The following RND2 variants were observed in gnomAD, a reference collection of about 807,000 sequenced individuals.
The protein encoded by RND2 is rho-related GTP-binding protein RhoN.
A neutral mutation model predicts 25.9 loss-of-function variants in RND2; 16 were observed. That is an observed-to-expected ratio of 0.62 (90% CI 0.42 to 0.94). The LOEUF is 0.94. Among genes scored for constraint, RND2 ranks in the 40% least tolerant of loss-of-function variants. RND2 has a pLI of 0.00. For synonymous variants in RND2, 97 were observed against 118.1 expected (o/e 0.82, Z 1.16); for missense variants, 276 against 305.5 (o/e 0.90, Z 0.72).
Position 43,028,929 on chromosome 17 carries a change from AG to A in RND2, c.*251del. 1 of 553,522 alleles carries A rather than the reference AG, an allele frequency of 1.8e-6. No individual in the cohort carries two copies. 34.3% of individuals were successfully genotyped at this position (553,522 alleles called of 1,614,324 possible). A position where few individuals can be genotyped will look rare whatever the true frequency, so the allele number is the denominator to read the frequency against. ...TCTGGGGCATGAACTGGGATGGGGCAGGTGGGCGTTAGGGAAGCTGGTATCA... is the reference window on the plus strand; with the variant it reads ...TCTGGGGCATGAACTGGGATGGGGCAGTGGGCGTTAGGGAAGCTGGTATCA... On this transcript the variant is annotated 3_prime_UTR_variant, in exon 5 of 5. Coordinates refer to ENST00000587250, the MANE Select transcript of RND2 (RefSeq NM_005440.5).
intron 3 of RND2, among the ~76,000 whole-genome samples, chr17:43,027,782 G>C (rs1214934967): frequency 6.6e-6 from 1 of 152,180 alleles, no homozygotes; most frequent in Non-Finnish European, 1.5e-5. Context: ...AGGCGAGTGG[G>C]AATGGGAAGT....
At position 43,031,166 on chromosome 17, in the gene RND2, C is replaced by T. The variant is rs572229677; in HGVS notation, c.*2486C>T. ...AAAATAAAAAATAGCTTCTCCTTTC[C>T]CTTATGCCAGGTTCCAGTCTTGAGA... On this transcript the variant is annotated 3_prime_UTR_variant, in exon 5 of 5. Transcript: ENST00000587250. 6.6e-6 allele frequency: 1 copy of T among 152,182 alleles called. No homozygotes were observed. Among genetic ancestry groups the T allele is most frequent in the East Asian group, 1.9e-4 (1 of 5,186 alleles). The allele number at this position is 152,182 out of a possible 1,614,324, so 9.4% of individuals were successfully genotyped here. A position where few individuals can be genotyped will look rare whatever the true frequency, so the allele number is the denominator to read the frequency against.
intron 2 of RND2, 84 bp downstream of exon 2, chr17:43,026,131 AAGCCC>A: frequency 1.1e-6 from 1 of 886,120 alleles, no homozygotes; most frequent in Non-Finnish European, 1.8e-6. Context: ...GGTTCCAGGT[AAGCCC>A]AGCCCATCCA....
Position 43,026,018 on chromosome 17 carries a change from G to A in RND2, c.161G>A (p.Arg54His), listed in dbSNP as rs1182099592. ...YTASFEIDKR[R>H]IELNMWDTSG... ...GCGAGCTTTGAGATCGACAAGCGCC[G>A]CATTGAGCTCAACATGTGGGACACT... is the stretch of plus-strand genomic sequence containing the variant. Residue 54 changes from arginine (R) to histidine (H), a missense_variant, in exon 2 of 5, where the codon CGC becomes CAC. By Grantham distance (29) the Arg-to-His change is conservative. Transcript: ENST00000587250. 2 of 1,612,672 alleles carry A rather than the reference G, an allele frequency of 1.2e-6. No individual in the cohort carries two copies. The highest frequency in any genetic ancestry group is 2.2e-5 in the East Asian group (1 of 44,810).
chr17:43,027,852 G>T (rs546606437), intron 3 of RND2, among the ~76,000 whole-genome samples: 3 of 152,154 alleles, frequency 2.0e-5, no homozygotes, highest in Non-Finnish European at 4.4e-5. Flanking sequence ...GCCCACGCCA[G>T]CCCTCTCCTC....
Position 43,025,281 on chromosome 17 carries a change from G to GGGCGGGGGAGGCGGC in RND2, c.-59_-45dup. 2.9e-6 allele frequency: 4 copies of GGGCGGGGGAGGCGGC among 1,385,122 alleles called. No individual in the cohort carries two copies. Among genetic ancestry groups the GGGCGGGGGAGGCGGC allele is most frequent in the East Asian group, 3.1e-5 (1 of 32,414 alleles). The allele number at this position is 1,385,122 out of a possible 1,614,324, so 85.8% of individuals were successfully genotyped here. On this transcript the variant is annotated 5_prime_UTR_variant, in exon 1 of 5. Transcript: ENST00000587250. ...GCGGCCCGAGCGGCTGCAGTTGCAG[G>GGGCGGGGGAGGCGGC]GGCGGGGGAGGCGGCGGCGGGGCCC...
Position 43,029,304 on chromosome 17 carries a change from C to T in RND2, c.*624C>T, listed in dbSNP as rs1287390648. 1 of 154,366 alleles carries T rather than the reference C, an allele frequency of 6.5e-6. No individual in the cohort carries two copies. The highest frequency in any genetic ancestry group is 1.4e-5 in the Non-Finnish European group (1 of 69,414). 9.6% of individuals were successfully genotyped at this position (154,366 alleles called of 1,614,324 possible). ...TTTAGCAGTAAGAGGGAAAGTTAGACCTCAGCTGGGGAACTTTCCTGTCCA... is the reference window on the plus strand; with the variant it reads ...TTTAGCAGTAAGAGGGAAAGTTAGATCTCAGCTGGGGAACTTTCCTGTCCA... On this transcript the variant is annotated 3_prime_UTR_variant, in exon 5 of 5. Transcript: ENST00000587250.
chr17:43,028,978 C>T lies in RND2; in HGVS notation c.*298C>T, dbSNP rs1402009746. 3 of 419,318 alleles carry T rather than the reference C, an allele frequency of 7.2e-6. No homozygotes were observed. The highest frequency in any genetic ancestry group is 1.3e-5 in the Non-Finnish European group (3 of 225,036). 26.0% of individuals were successfully genotyped at this position (419,318 alleles called of 1,614,324 possible). The stretch of plus-strand genomic sequence containing the variant: ...TCAAATGGTGACCTTGGTGGAGTCT[C>T]CTATGTGAAGAGTACCCTCCCTCTC... On this transcript the variant is annotated 3_prime_UTR_variant, in exon 5 of 5. Coordinates refer to ENST00000587250, the MANE Select transcript of RND2 (RefSeq NM_005440.5).
intron 1 of RND2, 160 bp downstream of exon 1, chr17:43,025,609 A>T: frequency 2.0e-6 from 1 of 512,786 alleles, no homozygotes; most frequent in Non-Finnish European, 2.5e-6. Context: ...AGGACTGCAG[A>T]GGATTGGGGT....
rs2050641963 is a variant in RND2, at chr17:43,028,416, C to T, written c.436-16C>T. ...AAGACCTATAACTTTCTCCCATGCA[C>T]TCCTTCCTTTTCCAGGGCACTGTGC... On this transcript the variant is annotated splice_polypyrimidine_tract_variant and intron_variant, in intron 4 of 4. Transcript: ENST00000587250. The T allele has an allele frequency of 1.2e-6, 2 of 1,611,346 alleles. No homozygotes were observed. The highest frequency in any genetic ancestry group is 1.7e-6 in the Non-Finnish European group (2 of 1,177,646).
In RND2 at chr17:43,026,071, C is replaced by T. The variant is rs756994280; in HGVS notation, c.190+24C>T. 5 of 1,573,606 alleles carry T rather than the reference C, an allele frequency of 3.2e-6. No individual in the cohort carries two copies. The African/African-American group carries it at 4.0e-5, about 13-fold the overall frequency. On this transcript the variant is annotated intron_variant, in intron 2 of 4. Transcript: ENST00000587250. ...AGGTAGCCAAGTCCCTGGGGGTCAC[C>T]CTGACTTCCAAGGCGGCCCACTCTG...
intron 2 of RND2, 90 bp from the exon 3 acceptor site, chr17:43,027,093 C>T (rs2050628851): frequency 1.3e-6 from 1 of 745,834 alleles, no homozygotes; most frequent in South Asian, 2.0e-5. Flanking sequence ...TTCTCTGCTC[C>T]CAGCATCCCT....
At chr17:43,025,899 G>T in intron 1 of RND2, 61 bp from the exon 2 acceptor site, 1 of 1,267,810 alleles carries the variant, frequency 7.9e-7, no homozygotes, top group Non-Finnish European at 1.1e-6. Context: ...AGTGAGGAGG[G>T]CATTTATCTG....
Position 43,029,298 on chromosome 17 carries a change from G to GT in RND2, c.*620dup, listed in dbSNP as rs1441748207. On this transcript the variant is annotated 3_prime_UTR_variant, in exon 5 of 5. Coordinates refer to ENST00000587250, the MANE Select transcript of RND2 (RefSeq NM_005440.5). ...CCAATCTTTAGCAGTAAGAGGGAAA[G>GT]TTAGACCTCAGCTGGGGAACTTTCC... 6.5e-6 allele frequency: 1 copy of GT among 154,386 alleles called. No homozygotes were observed. Among genetic ancestry groups the GT allele is most frequent in the Non-Finnish European group, 1.4e-5 (1 of 69,416 alleles). The allele number at this position is 154,386 out of a possible 1,614,324, so 9.6% of individuals were successfully genotyped here.
In RND2 at chr17:43,028,021, C is replaced by T. The variant is rs1439610755; in HGVS notation, c.301-40C>T. On this transcript the variant is annotated intron_variant, in intron 3 of 4. Coordinates refer to ENST00000587250, the MANE Select transcript of RND2 (RefSeq NM_005440.5). ...GGCACAAAGGCTCACGCTGTGCCTC[C>T]CTCCACCCCTCCACAATTCTCTTTT... is the stretch of plus-strand genomic sequence containing the variant. The T allele has an allele frequency of 3.8e-6, 6 of 1,589,192 alleles. No individual in the cohort carries two copies. The Admixed American group carries it at 1.1e-4, about 28-fold the overall frequency.
Position 43,028,855 on chromosome 17 carries a change from C to T in RND2, c.*175C>T, listed in dbSNP as rs2050647790. 1.1e-6 allele frequency: 1 copy of T among 889,458 alleles called. No homozygotes were observed. The highest frequency in any genetic ancestry group is 1.8e-5 in the South Asian group (1 of 56,440). 55.1% of individuals were successfully genotyped at this position (889,458 alleles called of 1,614,324 possible). A position where few individuals can be genotyped will look rare whatever the true frequency, so the allele number is the denominator to read the frequency against. On this transcript the variant is annotated 3_prime_UTR_variant, in exon 5 of 5. Coordinates refer to ENST00000587250, the MANE Select transcript of RND2 (RefSeq NM_005440.5). ...AGGGTATCATCGTTTCTCATCTCCTCCTCCCTCCTCTTCTCCAGTGGATGT... is the reference window on the plus strand; with the variant it reads ...AGGGTATCATCGTTTCTCATCTCCTTCTCCCTCCTCTTCTCCAGTGGATGT...
chr17:43,027,309 A>G lies in RND2; in HGVS notation c.300+17A>G, dbSNP rs767176002. ...CTCAAGAAGGTGGGAGCCTGGGGAAATAGGGCAGCTAGACTGAGGGGGACC... is the reference window on the plus strand; with the variant it reads ...CTCAAGAAGGTGGGAGCCTGGGGAAGTAGGGCAGCTAGACTGAGGGGGACC... On this transcript the variant is annotated intron_variant, in intron 3 of 4. Transcript: ENST00000587250. 2.6e-6 allele frequency: 4 copies of G among 1,566,860 alleles called. No individual in the cohort carries two copies. Among genetic ancestry groups the G allele is most frequent in the South Asian group, 2.3e-5 (2 of 88,234 alleles).
intron 2 of RND2, among the ~76,000 whole-genome samples, chr17:43,026,793 C>A (rs1375425068): frequency 6.6e-6 from 1 of 152,190 alleles, no homozygotes; most frequent in Non-Finnish European, 1.5e-5. Context: ...CTCTTTTCCT[C>A]CTCCCAACAT....
In RND2 at chr17:43,028,125, A is replaced by C. The variant is rs530468376; in HGVS notation, c.365A>C (p.Asp122Ala). 6.2e-7 allele frequency: 1 copy of C among 1,614,180 alleles called. No homozygotes were observed. The highest frequency in any genetic ancestry group is 1.3e-5 in the African/African-American group (1 of 75,044). Residue 122 changes from aspartate to alanine, a missense_variant, in exon 4 of 5, where the codon GAC becomes GCC. Coordinates refer to ENST00000587250, the MANE Select transcript of RND2 (RefSeq NM_005440.5). Reference sequence around the variant, plus strand: ...GTTGTGCTGGTTGGCTGTAAACTGGACATGCGGACTGACCTGGCCACACTG... The same window carrying C: ...GTTGTGCTGGTTGGCTGTAAACTGGCCATGCGGACTGACCTGGCCACACTG... ...AKVVLVGCKL[D>A]MRTDLATLRE...
Sources: allele counts gnomAD v4.1 joint callset (sites outside exome capture counted in the v4.1 genomes callset), GRCh38; gene constraint gnomAD v4.1.1; transcripts MANE v1.5; gene names NCBI Gene and HGNC (gene_info 2026-07-23, HGNC 2026-07-21).